MTPN: variants seen among roughly 807,000 people sequenced by gnomAD.
The protein encoded by MTPN is granule cell differentiation protein.
A neutral mutation model predicts 13.5 loss-of-function variants in MTPN; 2 were observed. That is an observed-to-expected ratio of 0.15 (90% CI 0.06 to 0.47). The LOEUF (loss-of-function observed/expected upper bound fraction) is 0.47. MTPN is among the 20% of genes least tolerant of loss of function. MTPN has a pLI of 0.97. For missense variants in MTPN, 79 were observed against 137.9 expected, an observed-to-expected ratio of 0.57 and a Z score of 2.14; for synonymous variants, 46 against 51.7, an observed-to-expected ratio of 0.89 and a Z score of 0.48.
At chr7:135,945,889 CAT>C (rs377712124) in intron 3 of MTPN, among the ~76,000 whole-genome samples, 1 of 152,134 alleles carries the variant, frequency 6.6e-6, no homozygotes, top group African/African-American at 2.4e-5. Flanking sequence ...TTATATGGCA[CAT>C]GACTGCACTA....
intron 3 of MTPN, among the ~76,000 whole-genome samples, chr7:135,945,687 C>T (rs1799278702): frequency 6.6e-6 from 1 of 152,016 alleles, no homozygotes; most frequent in Non-Finnish European, 1.5e-5. Flanking sequence ...AAGGACATGC[C>T]TGAAGTTCTT....
chr7:135,936,134 T>C (rs1799111750), intron 3 of MTPN, among the ~76,000 whole-genome samples: 2 of 152,168 alleles, frequency 1.3e-5, no homozygotes, highest in Non-Finnish European at 2.9e-5. Context: ...ACAAGGCTTA[T>C]TAGTCTTTGC....
chr7:135,941,329 T>C (rs1268516044), intron 3 of MTPN, among the ~76,000 whole-genome samples: 1 of 121,980 alleles, frequency 8.2e-6, no homozygotes, highest in African/African-American at 2.9e-5. Context: ...TAAATCTAGG[T>C]TTACTAACTT....
Position 135,977,019 on chromosome 7 carries a change from C to A in MTPN, c.72+10G>T. The stretch of plus-strand genomic sequence containing the variant: ...CCGTGTTCTCGCCTACTCTTCTCAT[C>A]CCCGCTTACCTTGGCCACATAGTCT... On this transcript the variant is annotated intron_variant, in intron 1 of 3. Coordinates refer to ENST00000393085, the MANE Select transcript of MTPN (RefSeq NM_145808.4). The A allele has an allele frequency of 6.7e-7, 1 of 1,484,020 alleles. No homozygotes were observed. Among genetic ancestry groups the A allele is most frequent in the South Asian group, 1.1e-5 (1 of 89,364 alleles). The allele number at this position is 1,484,020 out of a possible 1,614,324, so 91.9% of individuals were successfully genotyped here.
intron 3 of MTPN, among the ~76,000 whole-genome samples, chr7:135,945,935 GT>G (rs1799281871): frequency 6.6e-6 from 1 of 151,992 alleles, no homozygotes; most frequent in Admixed American, 6.6e-5. Context: ...CTATGATAAA[GT>G]TTAATTTATA....
chr7:135,954,409 G>C (rs1799409416), intron 1 of MTPN, among the ~76,000 whole-genome samples: 1 of 152,136 alleles, frequency 6.6e-6, no homozygotes, highest in African/African-American at 2.4e-5. Context: ...TAAATAGTAA[G>C]GGCGAACTAG....
intron 3 of MTPN, among the ~76,000 whole-genome samples, chr7:135,937,598 T>A (rs572599587): frequency 2.1e-4 from 32 of 152,332 alleles, no homozygotes; most frequent in South Asian, 1.0e-3. Context: ...AGATTACTTA[T>A]AATACCTAAT....
intron 3 of MTPN, among the ~76,000 whole-genome samples, chr7:135,938,444 G>A (rs1015380373): frequency 6.6e-6 from 1 of 152,198 alleles, no homozygotes; most frequent in Non-Finnish European, 1.5e-5. Flanking sequence ...GAGGATTAAA[G>A]TCAATTCAAG....
At chr7:135,956,472 C>T (rs1799445409) in intron 1 of MTPN, among the ~76,000 whole-genome samples, 1 of 152,164 alleles carries the variant, frequency 6.6e-6, no homozygotes. Flanking sequence ...CTGGCTCTTC[C>T]ACTTTCCACA....
intron 1 of MTPN, among the ~76,000 whole-genome samples, chr7:135,974,671 G>A (rs561830733): frequency 6.6e-6 from 1 of 152,320 alleles, no homozygotes; most frequent in African/African-American, 2.4e-5. Flanking sequence ...TCTCACCCCT[G>A]AGAATGAAGA....
At position 135,935,411 on chromosome 7, in the gene MTPN, T is replaced by C. The variant is rs183409585; in HGVS notation, c.271-5399A>G. Among the ~76,000 whole-genome samples, 608 of 152,222 alleles carry C rather than the reference T, an allele frequency of 4.0e-3. 10 individuals are homozygous for C. Among genetic ancestry groups the C allele is most frequent in the Non-Finnish European group, 3.0e-3 (202 of 68,002 alleles). On this transcript the variant is annotated intron_variant, in intron 3 of 3. Transcript: ENST00000393085. ...ATACCACCATGCCTGACTAAATTTTTTTGTATTTTTAGTAGAGATAGGGTT... is the reference window on the plus strand; with the variant it reads ...ATACCACCATGCCTGACTAAATTTTCTTGTATTTTTAGTAGAGATAGGGTT...
chr7:135,958,859 C>T (rs10275859), intron 1 of MTPN, among the ~76,000 whole-genome samples: 71,655 of 151,844 alleles, frequency 0.47, 17,196 homozygotes, highest in East Asian at 0.59. Flanking sequence ...AAGGATATCT[C>T]TGAAACATTC....
intron 3 of MTPN, among the ~76,000 whole-genome samples, chr7:135,930,950 C>G (rs946369329): frequency 2.0e-5 from 3 of 152,038 alleles, no homozygotes; most frequent in African/African-American, 7.2e-5. Flanking sequence ...TTCCTGACAC[C>G]TACAGAATTG....
chr7:135,955,853 A>C (rs1464471791), intron 1 of MTPN, among the ~76,000 whole-genome samples: 1 of 149,926 alleles, frequency 6.7e-6, no homozygotes, highest in African/African-American at 2.4e-5. Flanking sequence ...AAAAAAAAAA[A>C]ACCCAATATG....
chr7:135,951,674 G>T, intron 1 of MTPN, 44 bp from the exon 2 acceptor site: 1 of 1,330,950 alleles, frequency 7.5e-7, no homozygotes, highest in South Asian at 1.3e-5. Context: ...ATGAATGGAA[G>T]ACTGAAGAAG....
intron 1 of MTPN, among the ~76,000 whole-genome samples, chr7:135,953,653 T>G (rs1213732378): frequency 1.3e-5 from 2 of 152,136 alleles, no homozygotes; most frequent in Non-Finnish European, 2.9e-5. Flanking sequence ...GAGAGAAGGG[T>G]GATATCAACT....
chr7:135,952,988 A>C (rs974944360), intron 1 of MTPN, among the ~76,000 whole-genome samples: 1 of 152,072 alleles, frequency 6.6e-6, no homozygotes, highest in East Asian at 1.9e-4. Context: ...CAACAATTGT[A>C]TTATTCACTT....
At chr7:135,944,810 T>C (rs926679968) in intron 3 of MTPN, among the ~76,000 whole-genome samples, 1 of 152,208 alleles carries the variant, frequency 6.6e-6, no homozygotes, top group African/African-American at 2.4e-5. Flanking sequence ...CTTTTATCTG[T>C]AGGAGACATA....
intron 3 of MTPN, among the ~76,000 whole-genome samples, chr7:135,945,420 C>G (rs533545458): frequency 6.6e-6 from 1 of 152,286 alleles, no homozygotes; most frequent in Non-Finnish European, 1.5e-5. Context: ...GTACACTGCA[C>G]AGCTGTAGAA....
Sources: gnomAD v4.1 joint callset for allele counts (sites outside exome capture counted in the v4.1 genomes callset) on GRCh38, gnomAD v4.1.1 for gene constraint, MANE v1.5 for transcripts, NCBI Gene and HGNC (gene_info 2026-07-23, HGNC 2026-07-21) for gene names.